Variants in PAK3 observed in about 807,000 individuals in gnomAD.
PAK3 encodes p21 (RAC1) activated kinase 3.
A neutral mutation model predicts 41.0 loss-of-function variants in PAK3; 4 were observed. The ratio of observed to expected loss-of-function variants is 0.10; its 90% confidence interval spans 0.05 to 0.22. PAK3 has a LOEUF of 0.22. PAK3 is among the 10% of genes least tolerant of loss of function. The pLI, the probability that PAK3 is intolerant of heterozygous loss-of-function variation, is 1.00. For synonymous variants in PAK3, 146 were observed against 139.6 expected (o/e 1.05, Z -0.32); for missense variants, 205 against 409.9 (o/e 0.50, Z 4.32).
At chrX:111,196,891 C>T (rs2094621109) in intron 16 of PAK3, among the ~76,000 whole-genome samples, 1 of 99,455 alleles carries the variant, frequency 1.0e-5, no homozygotes, top group African/African-American at 3.9e-5. Context: ...AATAACTACC[C>T]TTTTTTTCTC....
intron 1 of PAK3, among the ~76,000 whole-genome samples, chrX:110,990,346 T>C (rs1220854717): frequency 1.8e-5 from 2 of 111,841 alleles, no homozygotes; most frequent in Non-Finnish European, 3.8e-5. Flanking sequence ...ATCAGCAAAA[T>C]AATGATTAAG....
chrX:111,162,682 T>G (rs2149194638), intron 8 of PAK3, among the ~76,000 whole-genome samples: 1 of 111,638 alleles, frequency 9.0e-6, no homozygotes, highest in Admixed American at 9.5e-5. Context: ...TTTAAAAAAT[T>G]ACACTTCATG....
intron 8 of PAK3, among the ~76,000 whole-genome samples, chrX:111,154,041 C>T (rs1429110498): frequency 8.9e-6 from 1 of 111,879 alleles, no homozygotes; most frequent in Non-Finnish European, 1.9e-5. Context: ...AAGCCAGTCT[C>T]AAAAGGGTAT....
intron 1 of PAK3, among the ~76,000 whole-genome samples, chrX:110,959,598 G>A (rs1432546504): frequency 1.8e-5 from 2 of 111,014 alleles, no homozygotes; most frequent in Non-Finnish European, 3.8e-5. Flanking sequence ...GCCTGAAGAG[G>A]GACCTGGGTT....
chrX:110,959,782 C>G (rs2090940837), intron 1 of PAK3, among the ~76,000 whole-genome samples: 1 of 111,605 alleles, frequency 9.0e-6, no homozygotes, highest in African/African-American at 3.3e-5. Flanking sequence ...GCCACACTCT[C>G]CTATTTCCCC....
intron 11 of PAK3, among the ~76,000 whole-genome samples, chrX:111,178,980 T>TATATATATATAGAGAGAG (rs1211051270): frequency 1.1e-5 from 1 of 91,613 alleles, no homozygotes; most frequent in African/African-American, 4.0e-5. Flanking sequence ...TATATATATA[T>TATATATATATAGAGAGAG]AGAGAGAGAG....
At chrX:111,033,960 G>A (rs781517093) in intron 1 of PAK3, among the ~76,000 whole-genome samples, 1 of 111,157 alleles carries the variant, frequency 9.0e-6, no homozygotes, top group Non-Finnish European at 1.9e-5. Flanking sequence ...TCATCCCTTA[G>A]GTCATTCCTG....
intron 10 of PAK3, among the ~76,000 whole-genome samples, chrX:111,168,931 T>C (rs1450114717): frequency 8.9e-6 from 1 of 111,739 alleles, no homozygotes; most frequent in African/African-American, 3.2e-5. Context: ...TGAATAAGGA[T>C]GGCTCTCAGT....
intron 1 of PAK3, among the ~76,000 whole-genome samples, chrX:111,025,683 A>C (rs2092258960): frequency 9.0e-6 from 1 of 110,953 alleles, no homozygotes; most frequent in African/African-American, 3.3e-5. Flanking sequence ...TCCAGGACCC[A>C]ACGGATTCAC....
chrX:111,129,930 A>G (rs765197334), intron 5 of PAK3, among the ~76,000 whole-genome samples: 13 of 111,731 alleles, frequency 1.2e-4, no homozygotes, highest in Non-Finnish European at 1.9e-4. Context: ...TGCTTTCCCC[A>G]TTAAGGCAAA....
At chrX:110,969,029 G>C (rs902280961) in intron 1 of PAK3, among the ~76,000 whole-genome samples, 1 of 105,421 alleles carries the variant, frequency 9.5e-6, no homozygotes, top group African/African-American at 3.5e-5. Context: ...CCGGGTTTAA[G>C]TGATTCTCGT....
intron 1 of PAK3, among the ~76,000 whole-genome samples, chrX:111,064,231 A>C (rs1603072734): frequency 8.9e-6 from 1 of 112,383 alleles, no homozygotes; most frequent in South Asian, 3.8e-4. Flanking sequence ...ATCTTTCCAC[A>C]GGACTCGTTG....
At chrX:111,132,688 G>T (rs1471924537) in intron 5 of PAK3, among the ~76,000 whole-genome samples, 7 of 111,558 alleles carry the variant, frequency 6.3e-5, no homozygotes, top group Admixed American at 1.9e-4. Flanking sequence ...TTTGAGCACA[G>T]ATTTAATTTA....
chrX:110,969,094 A>ATTTTTTTTTTTTTTTTTTTTTTTTTT (rs60724970), intron 1 of PAK3, among the ~76,000 whole-genome samples: 2 of 40,617 alleles, frequency 4.9e-5, no homozygotes, highest in African/African-American at 9.7e-5. Flanking sequence ...GACCTGCCTA[A>ATTTTTTTTTTTTTTTTTTTTTTTTTT]TTTTTTTTTT....
At chrX:111,071,197 A>G (rs1460737001) in intron 1 of PAK3, among the ~76,000 whole-genome samples, 3 of 112,081 alleles carry the variant, frequency 2.7e-5, no homozygotes, top group Non-Finnish European at 3.8e-5. Flanking sequence ...TACACCATTC[A>G]GCTGGATGCT....
chrX:111,190,279 C>T (rs746057164), intron 11 of PAK3, among the ~76,000 whole-genome samples: 6 of 111,418 alleles, frequency 5.4e-5, no homozygotes, highest in Non-Finnish European at 1.1e-4. Flanking sequence ...TAGCTCATTT[C>T]CTGTACTTTA....
intron 1 of PAK3, among the ~76,000 whole-genome samples, chrX:110,972,886 A>G (rs2091241781): frequency 8.9e-6 from 1 of 111,971 alleles, no homozygotes; most frequent in Non-Finnish European, 1.9e-5. Context: ...GATGGAGCTG[A>G]AAATCATGGC....
chrX:111,131,014 G>A (rs773645010), intron 5 of PAK3, among the ~76,000 whole-genome samples: 23 of 111,729 alleles, frequency 2.1e-4, no homozygotes, highest in Non-Finnish European at 4.3e-4. Flanking sequence ...TAGTCCAGTG[G>A]TAGTTGAAGA....
intron 16 of PAK3, among the ~76,000 whole-genome samples, chrX:111,198,149 C>T (rs191265799): frequency 7.1e-4 from 80 of 111,898 alleles, no homozygotes; most frequent in Non-Finnish European, 1.3e-3. Flanking sequence ...TGTCTGTTCA[C>T]GTCTTTTGTC....
Sources: gnomAD v4.1 joint callset for allele counts (sites outside exome capture counted in the v4.1 genomes callset) on GRCh38, gnomAD v4.1.1 for gene constraint, MANE v1.5 for transcripts, NCBI Gene and HGNC (gene_info 2026-07-23, HGNC 2026-07-21) for gene names.